Variants in ZFHX3 observed in about 807,000 individuals in gnomAD.
The protein encoded by ZFHX3 is zinc finger homeobox 3.
ZFHX3 carries 42 observed loss-of-function variants against 279.1 expected under a neutral mutation model. The observed-to-expected ratio is 0.15, with a 90% CI of 0.12 to 0.19. The LOEUF (loss-of-function observed/expected upper bound fraction) is 0.19. ZFHX3 is among the 10% of genes least tolerant of loss of function. The pLI, the probability that ZFHX3 is intolerant of heterozygous loss-of-function variation, is 1.00. For synonymous variants in ZFHX3, 2,293 were observed against 1,957.8 expected (o/e 1.17, Z -4.52); for missense variants, 4,981 against 4,754.0 (o/e 1.05, Z -1.40).
chr16:73,753,601 T>C (rs954675638), intron 1 of ZFHX3, among the ~76,000 whole-genome samples: 1 of 152,204 alleles, frequency 6.6e-6, no homozygotes, highest in Non-Finnish European at 1.5e-5. Context: ...GTATTAGCCC[T>C]GCTCAGCAAG....
chr16:73,206,854 A>G (rs1597219830), intron 5 of ZFHX3, among the ~76,000 whole-genome samples: 1 of 151,818 alleles, frequency 6.6e-6, no homozygotes, highest in African/African-American at 2.4e-5. Context: ...CCCATTTCTA[A>G]TAAAAATATT....
rs1477825357 is a variant in ZFHX3 at position 72,960,009 on chromosome 16, C to T, written c.137G>A (p.Ser46Asn). The change falls in exon 2 of 10, where the codon AGC becomes AAC. Residue 46 changes from serine to asparagine, a missense_variant. Ser to Asn is a conservative substitution (Grantham distance 46). Transcript: ENST00000268489. ...CCTCAGGCTGTCCAAGGGCCCGTGGCTCTCGCCTGTGGACTGCTCCATGCT... is the reference window on the plus strand; with the variant it reads ...CCTCAGGCTGTCCAAGGGCCCGTGGTTCTCGCCTGTGGACTGCTCCATGCT... ...PSSMEQSTGE[S>N]HGPLDSLRAP... 6.2e-7 allele frequency: 1 copy of T among 1,613,946 alleles called. No individual in the cohort carries two copies. The highest frequency in any genetic ancestry group is 8.5e-7 in the Non-Finnish European group (1 of 1,179,868).
At position 72,796,244 on chromosome 16, in the gene ZFHX3, C is replaced by T. The variant is rs2143428546; in HGVS notation, c.6438G>A (p.Lys2146=). 6.2e-7 allele frequency: 1 copy of T among 1,614,118 alleles called. No homozygotes were observed. Among genetic ancestry groups the T allele is most frequent in the Non-Finnish European group, 8.5e-7 (1 of 1,180,038 alleles). Reference sequence around the variant, plus strand: ...CATCTGTGATCCTGGTGCGAGGCCTCTTGTTCTGCTGCTGGAGCAGGGTTG... The same window carrying T: ...CATCTGTGATCCTGGTGCGAGGCCTTTTGTTCTGCTGCTGGAGCAGGGTTG... ...LNPTLLQQQN[K]RPRTRITDDQ... The change falls in exon 9 of 10, where the codon AAG becomes AAA. Residue 2146 remains lysine, a synonymous_variant. Transcript: ENST00000268489.
chr16:73,173,148 T>C (rs1429468267), intron 5 of ZFHX3, among the ~76,000 whole-genome samples: 3 of 151,880 alleles, frequency 2.0e-5, no homozygotes, highest in African/African-American at 7.3e-5. Context: ...AGCAACGATG[T>C]CTCTGGGTTT....
At chr16:73,168,790 G>A (rs1356149044) in intron 5 of ZFHX3, among the ~76,000 whole-genome samples, 1 of 152,108 alleles carries the variant, frequency 6.6e-6, no homozygotes, top group African/African-American at 2.4e-5. Context: ...GCTGCCCTCT[G>A]GGTTTCAGCA....
chr16:72,886,422 G>A (rs940428166), intron 4 of ZFHX3, among the ~76,000 whole-genome samples: 9 of 152,142 alleles, frequency 5.9e-5, no homozygotes, highest in African/African-American at 1.7e-4. Context: ...CACTAAATGA[G>A]AGGAACCTCG....
At chr16:73,817,179 C>T (rs537608671) in intron 1 of ZFHX3, among the ~76,000 whole-genome samples, 2 of 152,266 alleles carry the variant, frequency 1.3e-5, no homozygotes, top group East Asian at 1.9e-4. Flanking sequence ...TTAGTGCATA[C>T]GATTTCTTGA....
At chr16:73,097,231 A>AT (rs376018253) in intron 7 of ZFHX3, among the ~76,000 whole-genome samples, 48,289 of 126,420 alleles carry the variant, frequency 0.38, 10,088 homozygotes, top group East Asian at 0.65. Context: ...GCTAATTTTA[A>AT]TTTTTTTTTT....
intron 3 of ZFHX3, among the ~76,000 whole-genome samples, chr16:73,387,857 T>A (rs1172333648): frequency 1.3e-5 from 2 of 151,916 alleles, no homozygotes. Context: ...ATGTCAGAGA[T>A]CATGTATGAC....
intron 5 of ZFHX3, among the ~76,000 whole-genome samples, chr16:73,187,144 T>TCACACACACACACACACACACACA (rs71156147): frequency 2.7e-5 from 4 of 146,986 alleles, no homozygotes; most frequent in Admixed American, 2.0e-4. Flanking sequence ...GTTGTATGTC[T>TCACACACACACACACACACACACA]CACACACACA....
At chr16:73,625,944 G>A (rs1395074384) in intron 2 of ZFHX3, among the ~76,000 whole-genome samples, 1 of 152,124 alleles carries the variant, frequency 6.6e-6, no homozygotes, top group South Asian at 2.1e-4. Flanking sequence ...CACAAGCTCC[G>A]CCTCCCGGGT....
At chr16:73,851,246 G>C (rs1407744746) in intron 1 of ZFHX3, among the ~76,000 whole-genome samples, 1 of 152,060 alleles carries the variant, frequency 6.6e-6, no homozygotes, top group Non-Finnish European at 1.5e-5. Flanking sequence ...CAGCACATAA[G>C]AGAATCAAGA....
At chr16:73,459,160 T>C (rs928664143) in intron 2 of ZFHX3, among the ~76,000 whole-genome samples, 6 of 152,240 alleles carry the variant, frequency 3.9e-5, no homozygotes, top group African/African-American at 1.4e-4. Flanking sequence ...ATGGAGTCCC[T>C]GGATGTGGTG....
intron 2 of ZFHX3, among the ~76,000 whole-genome samples, chr16:73,571,897 AAT>A (rs2051741037): frequency 6.6e-6 from 1 of 152,182 alleles, no homozygotes; most frequent in South Asian, 2.1e-4. Context: ...TTCATATATT[AAT>A]ATGATAAAAT....
At chr16:73,136,778 G>T (rs1276192643) in intron 6 of ZFHX3, among the ~76,000 whole-genome samples, 1 of 140,474 alleles carries the variant, frequency 7.1e-6, no homozygotes, top group Admixed American at 7.3e-5. Flanking sequence ...AATGACTTTT[G>T]CACCAATCAA....
intron 1 of ZFHX3, among the ~76,000 whole-genome samples, chr16:73,003,746 T>A (rs1157986494): frequency 2.0e-5 from 3 of 151,958 alleles, no homozygotes; most frequent in Non-Finnish European, 2.9e-5. Context: ...TACATTTTTT[T>A]AATTGTATAG....
At chr16:72,808,295 CACCTTG>C (rs1367394411) in intron 7 of ZFHX3, among the ~76,000 whole-genome samples, 2 of 152,136 alleles carry the variant, frequency 1.3e-5, no homozygotes, top group African/African-American at 4.8e-5. Context: ...ATCTCAGGTT[CACCTTG>C]TGGTAGGCCC....
intron 4 of ZFHX3, among the ~76,000 whole-genome samples, chr16:72,863,138 A>T (rs2037924936): frequency 6.6e-6 from 1 of 151,990 alleles, no homozygotes; most frequent in South Asian, 2.1e-4. Flanking sequence ...TTTTAATATG[A>T]ACTCAATATT....
chr16:73,803,540 G>C (rs182088734), intron 1 of ZFHX3, among the ~76,000 whole-genome samples: 1 of 152,184 alleles, frequency 6.6e-6, no homozygotes, highest in Non-Finnish European at 1.5e-5. Context: ...CTATTGAACA[G>C]AACAGAAGTA....
Sources: allele counts gnomAD v4.1 joint callset (sites outside exome capture counted in the v4.1 genomes callset), GRCh38; gene constraint gnomAD v4.1.1; transcripts MANE v1.5; gene names NCBI Gene and HGNC (gene_info 2026-07-23, HGNC 2026-07-21).